The following TMEM40 variants were observed in gnomAD, a reference collection of about 807,000 sequenced individuals.
TMEM40 encodes the protein transmembrane protein 40.
A neutral mutation model predicts 40.8 loss-of-function variants in TMEM40; 34 were observed. The observed-to-expected ratio is 0.83, with a 90% CI of 0.63 to 1.11. The LOEUF (loss-of-function observed/expected upper bound fraction) is 1.11, where lower values mean the gene tolerates loss of function less well. TMEM40 is among the 50% of genes least tolerant of loss of function. The pLI, the probability that TMEM40 is intolerant of heterozygous loss-of-function variation, is 0.00. For synonymous variants in TMEM40, 106 were observed against 107.0 expected, an observed-to-expected ratio of 0.99 and a Z score of 0.06; for missense variants, 296 against 280.2, an observed-to-expected ratio of 1.06 and a Z score of -0.40.
rs777035977 is a variant in TMEM40 at position 12,743,964 on chromosome 3, G to A, written c.237C>T (p.Pro79=). 2 of 1,613,176 alleles carry A rather than the reference G, an allele frequency of 1.2e-6. No homozygotes were observed. The highest frequency in any genetic ancestry group is 1.3e-5 in the African/African-American group (1 of 75,048). Residue 79 remains proline, a synonymous_variant, in exon 4 of 12, where the codon CCC becomes CCT. Transcript: ENST00000314124. ...TCCGTCGATGTTTTCCGGTTGCTCT[G>A]GGTTGCTGGTCCTCATCATTGCTCT... ...SSESNDEDQQ[P]RATGKHRRSL...
At chr3:12,738,632 G>T (rs111416953) in intron 5 of TMEM40, 44 bp from the exon 6 acceptor site, 58 of 1,582,314 alleles carry the variant, frequency 3.7e-5, no homozygotes, top group Admixed American at 2.3e-4. Flanking sequence ...ATGATCCTCT[G>T]GGGGGGGAGA....
upstream of TMEM40, among the ~76,000 whole-genome samples, chr3:12,761,063 T>C (rs186660297): frequency 5.3e-5 from 8 of 152,274 alleles, no homozygotes; most frequent in Admixed American, 4.6e-4. Flanking sequence ...AATGAATGAG[T>C]GACCTGAAAG....
At chr3:12,769,163 C>G in intron 1 of TMEM40, 1 of 281,360 alleles carries the variant, frequency 3.6e-6, no homozygotes, top group Non-Finnish European at 7.8e-6. Context: ...AGTGCGGGGC[C>G]TACCAAGCCC....
intron 1 of TMEM40, among the ~76,000 whole-genome samples, chr3:12,767,526 T>C (rs1442664017): frequency 6.6e-6 from 1 of 152,070 alleles, no homozygotes; most frequent in Non-Finnish European, 1.5e-5. Context: ...GATTAGAGAA[T>C]TGGGGTGAAG....
chr3:12,756,514 C>G (rs796648533), intron 1 of TMEM40, among the ~76,000 whole-genome samples: 17 of 152,266 alleles, frequency 1.1e-4, no homozygotes, highest in African/African-American at 3.8e-4. Context: ...ACAAGGAAAA[C>G]TAGAGGGGGA....
In TMEM40 at chr3:12,733,672, T is replaced by C. The variant is rs1186731337; in HGVS notation, c.*1102A>G. ...CTGAGTTTTGAGAACAGCATGTCTG[T>C]GACCATCAAGAACTCAGTTCAAGTT... On this transcript the variant is annotated 3_prime_UTR_variant, in exon 12 of 12. Transcript: ENST00000314124. 6.6e-6 allele frequency: 1 copy of C among 152,130 alleles called. No individual in the cohort carries two copies. The highest frequency in any genetic ancestry group is 1.5e-5 in the Non-Finnish European group (1 of 68,026). 9.4% of individuals were successfully genotyped at this position (152,130 alleles called of 1,614,324 possible).
At chr3:12,761,084 G>T (rs530028953), upstream of TMEM40, among the ~76,000 whole-genome samples, 1 of 152,358 alleles carries the variant, frequency 6.6e-6, no homozygotes, top group Admixed American at 6.5e-5. Context: ...GTTAGCCCAA[G>T]AAGTGTTCCA....
At chr3:12,769,274 GC>G (rs768372994) in exon 1 of TMEM40, 2 of 412,770 alleles carry the variant, frequency 4.8e-6, no homozygotes, top group South Asian at 3.3e-5. Flanking sequence ...GAGGGAGCCG[GC>G]TCCGGCCTCG....
At chr3:12,768,999 C>T (rs978889883) in intron 1 of TMEM40, among the ~76,000 whole-genome samples, 6 of 151,508 alleles carry the variant, frequency 4.0e-5, no homozygotes, top group African/African-American at 1.5e-4. Context: ...ACTGCAGGTC[C>T]TGATCCCTGC....
intron 1 of TMEM40, among the ~76,000 whole-genome samples, chr3:12,767,260 G>A (rs530203940): frequency 1.3e-5 from 2 of 152,100 alleles, no homozygotes; most frequent in South Asian, 4.1e-4. Flanking sequence ...TATAGGGGAA[G>A]GACTATAGAG....
intron 5 of TMEM40, among the ~76,000 whole-genome samples, chr3:12,741,684 A>G (rs1490825293): frequency 2.6e-5 from 4 of 151,774 alleles, no homozygotes; most frequent in African/African-American, 9.7e-5. Flanking sequence ...GGTTTATCTT[A>G]TTTTATACCC....
rs1423618319 is a variant in TMEM40 at position 12,743,918 on chromosome 3, G to A, written c.283C>T (p.His95Tyr). The change falls in exon 4 of 12, where the codon CAC (histidine) becomes TAC (tyrosine). Residue 95 changes from histidine to tyrosine, a missense_variant. By Grantham distance (83) the His-to-Tyr change is moderately conservative. Transcript: ENST00000314124. ...TTCCTACCGGGTGAGCCGTTCCCGT[G>A]GGGGTATCCAGCCCCCAGGCTCCGT... Reference protein sequence around the residue: ...HRRSLGAGYPHGNGSPGPGHG... With the variant: ...HRRSLGAGYPYGNGSPGPGHG... 4.3e-6 allele frequency: 7 copies of A among 1,613,380 alleles called. No homozygotes were observed. The highest frequency in any genetic ancestry group is 1.6e-4 in the Middle Eastern group (1 of 6,062).
intron 1 of TMEM40, among the ~76,000 whole-genome samples, chr3:12,768,481 CAG>C (rs1164549834): frequency 2.0e-5 from 3 of 152,144 alleles, no homozygotes; most frequent in Non-Finnish European, 2.9e-5. Flanking sequence ...GAGCTAGACA[CAG>C]AGTGCCGATT....
chr3:12,738,325 G>A (rs2061353650), intron 6 of TMEM40, among the ~76,000 whole-genome samples, 157 bp from the exon 7 acceptor site: 1 of 152,202 alleles, frequency 6.6e-6, no homozygotes, highest in Non-Finnish European at 1.5e-5. Context: ...CTGGTTGGTT[G>A]TAATCTCCTG....
chr3:12,739,011 G>A (rs1375903083), intron 5 of TMEM40: 1 of 201,886 alleles, frequency 5.0e-6, no homozygotes, highest in Non-Finnish European at 1.0e-5. Flanking sequence ...AAATTAGCTG[G>A]GCATGGTAGC....
chr3:12,761,218 A>G (rs891448399), upstream of TMEM40, among the ~76,000 whole-genome samples: 4 of 152,142 alleles, frequency 2.6e-5, no homozygotes, highest in African/African-American at 9.7e-5. Flanking sequence ...GAGAGGGGAG[A>G]GGAGGAAGCA....
chr3:12,754,975 T>C (rs2061507888), intron 1 of TMEM40, among the ~76,000 whole-genome samples: 1 of 151,950 alleles, frequency 6.6e-6, no homozygotes, highest in Non-Finnish European at 1.5e-5. Context: ...TTCTCTTTTT[T>C]CTTTCCTTTT....
At chr3:12,756,300 G>C (rs1438533698) in intron 1 of TMEM40, among the ~76,000 whole-genome samples, 3 of 152,032 alleles carry the variant, frequency 2.0e-5, no homozygotes, top group Non-Finnish European at 2.9e-5. Flanking sequence ...ATCAGCTAAC[G>C]GCCACCATAC....
rs1009687494 is a variant in TMEM40 at position 12,734,548 on chromosome 3, T to TGAG, written c.*225_*226insCTC. On this transcript the variant is annotated 3_prime_UTR_variant, in exon 12 of 12. Coordinates refer to ENST00000314124, the MANE Select transcript of TMEM40 (RefSeq NM_018306.4). Reference sequence around the variant, plus strand: ...AGCCTCAGGCCCCACACCCACCCTCTGCCTTCCATCCTTGCAGCTGGGTTG... The same window carrying TGAG: ...AGCCTCAGGCCCCACACCCACCCTCTGAGGCCTTCCATCCTTGCAGCTGGGTTG... The TGAG allele has an allele frequency of 2.7e-5, 15 of 550,846 alleles. No homozygotes were observed. The highest frequency in any genetic ancestry group is 4.9e-4 in the Middle Eastern group (1 of 2,030). 34.1% of individuals were successfully genotyped at this position (550,846 alleles called of 1,614,324 possible).
Sources: gnomAD v4.1 joint callset for allele counts (sites outside exome capture counted in the v4.1 genomes callset) on GRCh38, gnomAD v4.1.1 for gene constraint, MANE v1.5 for transcripts, NCBI Gene and HGNC (gene_info 2026-07-23, HGNC 2026-07-21) for gene names.